APBB2: variants seen among roughly 807,000 people sequenced by gnomAD.
APBB2 encodes amyloid beta precursor protein binding family B member 2.
A neutral mutation model predicts 82.5 loss-of-function variants in APBB2; 38 were observed. The ratio of observed to expected loss-of-function variants is 0.46; its 90% CI spans 0.36 to 0.60. APBB2 has a LOEUF of 0.60. Ranked by LOEUF, APBB2 falls within the 20% of genes least tolerant of loss-of-function variation. The pLI is 0.00. For synonymous variants in APBB2, 341 were observed against 368.2 expected, an observed-to-expected ratio of 0.93 and a Z score of 0.85; for missense variants, 772 against 972.3, an observed-to-expected ratio of 0.79 and a Z score of 2.74.
At chr4:41,206,688 A>C (rs1309360382) in intron 1 of APBB2, among the ~76,000 whole-genome samples, 1 of 152,240 alleles carries the variant, frequency 6.6e-6, no homozygotes, top group Non-Finnish European at 1.5e-5. Flanking sequence ...TGAAATGTCA[A>C]GGAAATTTTA....
Position 40,811,779 on chromosome 4 carries a change from A to G in APBB2, c.*4313T>C, listed in dbSNP as rs1038820980. On this transcript the variant is annotated 3_prime_UTR_variant, in exon 18 of 18. Transcript: ENST00000508593. Reference sequence around the variant, plus strand: ...CCATAATGAAATTTTGTTACTGACTAGAGAGAAACCACTGTGGAAGTGCAA... The same window carrying G: ...CCATAATGAAATTTTGTTACTGACTGGAGAGAAACCACTGTGGAAGTGCAA... 6.6e-6 allele frequency: 1 copy of G among 152,162 alleles called. No individual in the cohort carries two copies. The highest frequency in any genetic ancestry group is 6.5e-5 in the Admixed American group (1 of 15,288). The allele number at this position is 152,162 out of a possible 1,614,324, so 9.4% of individuals were successfully genotyped here. A position where few individuals can be genotyped will look rare whatever the true frequency, so the allele number is the denominator to read the frequency against.
intron 3 of APBB2, among the ~76,000 whole-genome samples, chr4:41,066,268 T>TC (rs1374252607): frequency 2.0e-5 from 3 of 152,104 alleles, no homozygotes; most frequent in Non-Finnish European, 4.4e-5. Context: ...ACTGCAGAAG[T>TC]CCCCTTCATG....
At chr4:40,971,905 G>T (rs1796012866) in intron 6 of APBB2, among the ~76,000 whole-genome samples, 2 of 152,104 alleles carry the variant, frequency 1.3e-5, no homozygotes, top group African/African-American at 4.8e-5. Flanking sequence ...ATCCTTTCAT[G>T]TTCAGATTTG....
At chr4:40,976,021 T>A (rs1417210215) in intron 6 of APBB2, among the ~76,000 whole-genome samples, 2 of 152,174 alleles carry the variant, frequency 1.3e-5, no homozygotes, top group Admixed American at 6.5e-5. Flanking sequence ...TCAAAGACTT[T>A]TATTAAATGA....
chr4:40,828,071 T>C (rs1750562700), intron 13 of APBB2, among the ~76,000 whole-genome samples: 1 of 152,188 alleles, frequency 6.6e-6, no homozygotes, highest in South Asian at 2.1e-4. Flanking sequence ...TCCACCATGA[T>C]TGTGAGGCCT....
At chr4:40,951,646 A>G (rs940477507) in intron 6 of APBB2, among the ~76,000 whole-genome samples, 8 of 152,364 alleles carry the variant, frequency 5.3e-5, no homozygotes, top group Admixed American at 1.3e-4. Flanking sequence ...GCACATCTGT[A>G]AAACAGGGAT....
chr4:41,152,337 T>C (rs1346501840), intron 1 of APBB2, among the ~76,000 whole-genome samples: 2 of 151,792 alleles, frequency 1.3e-5, no homozygotes, highest in African/African-American at 4.8e-5. Flanking sequence ...TTTTTTTTTT[T>C]CTTGAGATGG....
At chr4:41,007,819 A>G (rs751021385) in intron 6 of APBB2, among the ~76,000 whole-genome samples, 15 of 152,242 alleles carry the variant, frequency 9.9e-5, no homozygotes, top group Non-Finnish European at 2.1e-4. Flanking sequence ...GAAGAAGTTC[A>G]TATACACACA....
intron 5 of APBB2, among the ~76,000 whole-genome samples, chr4:41,030,169 G>A (rs1716168938): frequency 6.6e-6 from 1 of 151,922 alleles, no homozygotes; most frequent in African/African-American, 2.4e-5. Flanking sequence ...ACAAAAAGAA[G>A]AGCTGAGCCG....
chr4:40,961,541 G>T (rs1276292591), intron 6 of APBB2, among the ~76,000 whole-genome samples: 2 of 150,430 alleles, frequency 1.3e-5, no homozygotes, highest in Non-Finnish European at 3.0e-5. Flanking sequence ...TATACCTAAT[G>T]CTAGATGTCG....
intron 1 of APBB2, among the ~76,000 whole-genome samples, chr4:41,210,991 A>G (rs1779181322): frequency 6.6e-6 from 1 of 152,184 alleles, no homozygotes; most frequent in African/African-American, 2.4e-5. Context: ...GTGATGGCTC[A>G]CGCCTGTAAT....
intron 6 of APBB2, among the ~76,000 whole-genome samples, chr4:40,984,356 T>C (rs1249884376): frequency 3.3e-5 from 5 of 150,492 alleles, no homozygotes; most frequent in Admixed American, 3.3e-4. Context: ...TCCTTCTACC[T>C]TTCAGGGAAC....
intron 12 of APBB2, among the ~76,000 whole-genome samples, chr4:40,878,122 G>C (rs1006730749): frequency 2.0e-5 from 3 of 149,664 alleles, no homozygotes; most frequent in African/African-American, 7.3e-5. Flanking sequence ...TGAGGAAGGC[G>C]GATCACTTGA....
At position 40,830,518 on chromosome 4, in the gene APBB2, C is replaced by A; in HGVS notation, c.1589G>T (p.Arg530Leu). The A allele has an allele frequency of 1.9e-6, 3 of 1,614,106 alleles. No homozygotes were observed. Among genetic ancestry groups the A allele is most frequent in the Non-Finnish European group, 2.5e-6 (3 of 1,180,018 alleles). ...DTRILKCHVF[R>L]CDTPAKAIAT... Reference sequence around the variant, plus strand: ...AATGGCTTTTGCTGGTGTGTCACATCGAAATACATGACATTTCAAAATTCT... The same window carrying A: ...AATGGCTTTTGCTGGTGTGTCACATAGAAATACATGACATTTCAAAATTCT... Residue 530 changes from arginine to leucine, a missense_variant, in exon 13 of 18, where the codon CGA becomes CTA. Transcript: ENST00000508593.
At chr4:41,093,460 C>T (rs28727892) in intron 3 of APBB2, among the ~76,000 whole-genome samples, 36,092 of 151,352 alleles carry the variant, frequency 0.24, 4,648 homozygotes, top group Non-Finnish European at 0.29. Context: ...TTTTTTTTTT[C>T]CCTAAGTTCC....
chr4:41,047,263 T>C (rs970259013), intron 4 of APBB2, among the ~76,000 whole-genome samples: 1 of 152,238 alleles, frequency 6.6e-6, no homozygotes, highest in Non-Finnish European at 1.5e-5. Flanking sequence ...AAGGTGCTTT[T>C]TGAGAGAAAA....
intron 6 of APBB2, among the ~76,000 whole-genome samples, chr4:40,950,712 A>G (rs1202837950): frequency 6.6e-6 from 1 of 152,098 alleles, no homozygotes; most frequent in African/African-American, 2.4e-5. Flanking sequence ...GTGTGGTTGC[A>G]TGCCCCTGTA....
intron 12 of APBB2, chr4:40,856,965 C>T (rs935956864): frequency 2.0e-6 from 2 of 985,420 alleles, no homozygotes; most frequent in African/African-American, 3.5e-5. Context: ...GGGCTCGACC[C>T]CCGTTCCCCC....
At chr4:41,117,449 C>T (rs553654359) in intron 2 of APBB2, among the ~76,000 whole-genome samples, 7 of 152,002 alleles carry the variant, frequency 4.6e-5, no homozygotes, top group Admixed American at 2.6e-4. Flanking sequence ...CCCACCACCA[C>T]GCCCAGCTAA....
Sources: allele counts gnomAD v4.1 joint callset (sites outside exome capture counted in the v4.1 genomes callset), GRCh38; gene constraint gnomAD v4.1.1; transcripts MANE v1.5; gene names NCBI Gene and HGNC (gene_info 2026-07-23, HGNC 2026-07-21).